Variants in CKMT2 observed in about 807,000 individuals in gnomAD.
CKMT2 encodes creatine kinase, mitochondrial 2, also known as creatine kinase S-type, mitochondrial.
Under a neutral mutation model 48.9 loss-of-function variants are expected in CKMT2, and 43 were observed. That is an observed-to-expected ratio of 0.88 (90% CI 0.69 to 1.13). The LOEUF (loss-of-function observed/expected upper bound fraction) is 1.13, where lower values mean the gene tolerates loss of function less well. CKMT2 is among the 50% of genes most tolerant of loss of function. The probability of loss-of-function intolerance (pLI) is 0.00; values close to 1 mark genes in which losing one functional copy is unlikely to be tolerated. For synonymous variants in CKMT2, 206 were observed against 213.0 expected, an observed-to-expected ratio of 0.97 and a Z score of 0.29; for missense variants, 472 against 555.4, an observed-to-expected ratio of 0.85 and a Z score of 1.51.
At chr5:81,255,279 C>T in intron 5 of CKMT2, 65 bp downstream of exon 5, 1 of 1,427,730 alleles carries the variant, frequency 7.0e-7, no homozygotes, top group Non-Finnish European at 9.8e-7. Context: ...CACAGGAAGG[C>T]CTCTCCTGGT....
intron 1 of CKMT2, among the ~76,000 whole-genome samples, chr5:81,244,417 A>G (rs575215157): frequency 6.6e-6 from 1 of 152,296 alleles, no homozygotes; most frequent in African/African-American, 2.4e-5. Context: ...TGGTTGTAAG[A>G]CAAAGTAAAA....
chr5:81,254,197 CT>C (rs1756917488), intron 3 of CKMT2, among the ~76,000 whole-genome samples, 198 bp from the exon 4 acceptor site: 1 of 151,810 alleles, frequency 6.6e-6, no homozygotes, highest in Non-Finnish European at 1.5e-5. Context: ...CTTCAAAAGG[CT>C]TTCTCTCTTG....
At chr5:81,261,356 C>T (rs1378502126) in intron 8 of CKMT2, among the ~76,000 whole-genome samples, 12 of 152,144 alleles carry the variant, frequency 7.9e-5, no homozygotes, top group Admixed American at 6.5e-5. Flanking sequence ...CTGGCCAGGG[C>T]AATCAGGCAA....
chr5:81,242,437 CCTCT>C (rs531065270), intron 1 of CKMT2: 34 of 512,430 alleles, frequency 6.6e-5, no homozygotes, highest in Non-Finnish European at 1.1e-4. Flanking sequence ...CAGGGTTTCC[CCTCT>C]CTGTCAATTT....
At position 81,236,328 on chromosome 5, in the gene CKMT2, T is replaced by A. The variant is rs183519816; in HGVS notation, c.-21+2951T>A. ...AATTGCTGGTCAGTGAAGGGCTGTATGTGAGGTGCTGCGGTCTGCAAGGAA... is the reference window on the plus strand; with the variant it reads ...AATTGCTGGTCAGTGAAGGGCTGTAAGTGAGGTGCTGCGGTCTGCAAGGAA... On this transcript the variant is annotated intron_variant, in intron 1 of 9. Transcript: ENST00000254035. 1.7e-4 allele frequency among the ~76,000 whole-genome samples: 26 copies of A among 152,190 alleles called. 1 individual carries two copies. The South Asian group carries it at 3.9e-3, about 23-fold the overall frequency.
rs1757063832 is a variant in CKMT2, at chr5:81,257,735, A to ATAAT, written c.761_764dup (p.Tyr255Ter). ...TACCATATTTCTCTCTTCATTAGGC[A>ATAAT]TAATTATGATAAGACATTTCTCATC... On this transcript the variant is annotated frameshift_variant, in exon 7 of 10. Coordinates refer to ENST00000254035, the MANE Select transcript of CKMT2 (RefSeq NM_001099735.2). LOFTEE classifies it high-confidence loss of function. 1 of 1,611,386 alleles carries ATAAT rather than the reference A, an allele frequency of 6.2e-7. No homozygotes were observed. The highest frequency in any genetic ancestry group is 8.5e-7 in the Non-Finnish European group (1 of 1,178,538).
chr5:81,250,463 G>A (rs1223795212), intron 1 of CKMT2, among the ~76,000 whole-genome samples: 1 of 152,136 alleles, frequency 6.6e-6, no homozygotes, highest in Non-Finnish European at 1.5e-5. Flanking sequence ...ATCTTTGGGA[G>A]TTCATTGTTT....
At chr5:81,255,269 C>T (rs1016399562) in intron 5 of CKMT2, 55 bp downstream of exon 5, 2 of 1,496,422 alleles carry the variant, frequency 1.3e-6, no homozygotes, top group Admixed American at 3.6e-5. Flanking sequence ...CTCTGACCCG[C>T]ACAGGAAGGC....
At chr5:81,248,739 A>T (rs1756696534) in intron 1 of CKMT2, among the ~76,000 whole-genome samples, 1 of 152,208 alleles carries the variant, frequency 6.6e-6, no homozygotes, top group Non-Finnish European at 1.5e-5. Flanking sequence ...TAATAATCTG[A>T]TTTCCTGGGC....
At chr5:81,244,232 T>C in intron 1 of CKMT2, 3 of 978,142 alleles carry the variant, frequency 3.1e-6, no homozygotes, top group African/African-American at 1.7e-5. Flanking sequence ...TAATGCATCA[T>C]GGCTCATAGA....
chr5:81,254,850 G>A, intron 4 of CKMT2, 143 bp from the exon 5 acceptor site: 1 of 705,530 alleles, frequency 1.4e-6, no homozygotes, highest in South Asian at 1.6e-5. Context: ...CTTCCGGAAT[G>A]TGTCCAATTT....
In CKMT2 at chr5:81,255,186, C is replaced by T. The variant is rs759425869; in HGVS notation, c.641C>T (p.Thr214Met). The change falls in exon 5 of 10, where the codon ACG becomes ATG. Residue 214 changes from threonine (T) to methionine (M), a missense_variant. Coordinates refer to ENST00000254035, the MANE Select transcript of CKMT2 (RefSeq NM_001099735.2). ...CGCTACTACAAGCTGTCCGAGATGA[C>T]GGAGCAGGACCAGCAGCGGCTCATC... The part of the protein sequence containing the change: ...AGRYYKLSEM[T>M]EQDQQRLIDD... 3.7e-5 allele frequency: 60 copies of T among 1,614,038 alleles called. No individual in the cohort carries two copies. Among genetic ancestry groups the T allele is most frequent in the African/African-American group, 6.7e-5 (5 of 75,040 alleles).
intron 8 of CKMT2, among the ~76,000 whole-genome samples, chr5:81,262,875 C>T (rs1017731442): frequency 6.6e-5 from 10 of 152,176 alleles, no homozygotes; most frequent in Admixed American, 5.2e-4. Context: ...CAAATGCACA[C>T]GTGTGTTTAT....
intron 5 of CKMT2, 150 bp from the exon 6 acceptor site, chr5:81,256,765 C>T (rs747129130): frequency 1.1e-5 from 6 of 553,014 alleles, no homozygotes; most frequent in Non-Finnish European, 2.0e-5. Context: ...TTGAAGCTCC[C>T]AGGTTATTCT....
At position 81,233,459 on chromosome 5, in the gene CKMT2, G is replaced by A. The variant is rs1756166032; in HGVS notation, c.-21+82G>A. The A allele has an allele frequency of 5.4e-6, 5 of 933,808 alleles. No individual in the cohort carries two copies. The South Asian group carries it at 2.5e-4, about 46-fold the overall frequency. The allele number at this position is 933,808 out of a possible 1,614,324, so 57.8% of individuals were successfully genotyped here. A position where few individuals can be genotyped will look rare whatever the true frequency, so the allele number is the denominator to read the frequency against. ...CCAGTGTGAAGGGCCTTGGAGGAGT[G>A]GATGCCGGGCTGTAGACGGGGACCC... On this transcript the variant is annotated intron_variant, in intron 1 of 9. Transcript: ENST00000254035.
chr5:81,256,033 GTC>G (rs1756996925), intron 5 of CKMT2, among the ~76,000 whole-genome samples: 1 of 152,164 alleles, frequency 6.6e-6, no homozygotes, highest in African/African-American at 2.4e-5. Flanking sequence ...CCTGGCTGAA[GTC>G]TCTGATCTCT....
At chr5:81,243,723 A>G (rs539095817) in intron 1 of CKMT2, among the ~76,000 whole-genome samples, 1 of 151,692 alleles carries the variant, frequency 6.6e-6, no homozygotes, top group East Asian at 2.0e-4. Context: ...TCAAGTCTCT[A>G]TCACCCAGGC....
Position 81,251,218 on chromosome 5 carries a change from G to C in CKMT2, c.86G>C (p.Gly29Ala). Residue 29 changes from glycine to alanine, a missense_variant, in exon 2 of 10, where the codon GGG (glycine) becomes GCG (alanine). Transcript: ENST00000254035. ...ATGGGCACCAGTGTCCTGACCACCG[G>C]GTACCTGCTGAACCGGCAGAAAGTG... is the stretch of plus-strand genomic sequence containing the variant. ...ATMGTSVLTTGYLLNRQKVCA... is the reference protein window; with the variant it reads ...ATMGTSVLTTAYLLNRQKVCA... 6.2e-7 allele frequency: 1 copy of C among 1,614,168 alleles called. No homozygotes were observed. The highest frequency in any genetic ancestry group is 8.5e-7 in the Non-Finnish European group (1 of 1,180,030).
chr5:81,263,906 G>C (rs1189373522), intron 9 of CKMT2, among the ~76,000 whole-genome samples: 7 of 152,196 alleles, frequency 4.6e-5, no homozygotes, highest in Non-Finnish European at 1.0e-4. Flanking sequence ...CAGCGAGCAG[G>C]AGCTCTGTTA....
Sources: gnomAD v4.1 joint callset for allele counts (sites outside exome capture counted in the v4.1 genomes callset) on GRCh38, gnomAD v4.1.1 for gene constraint, MANE v1.5 for transcripts, NCBI Gene and HGNC (gene_info 2026-07-23, HGNC 2026-07-21) for gene names.